Variants in AKAP6 observed in about 807,000 individuals in gnomAD.
AKAP6 encodes A-kinase anchoring protein 6.
In AKAP6, 58 loss-of-function variants were observed where a neutral mutation model predicts 188.5. That is an observed-to-expected ratio of 0.31 (90% CI 0.25 to 0.38). AKAP6 has a LOEUF of 0.38. AKAP6 is among the 10% of genes least tolerant of loss of function. The pLI is 1.00. For missense variants in AKAP6, 2,710 were observed against 2,740.0 expected (o/e 0.99, Z 0.24); for synonymous variants, 989 against 998.6 (o/e 0.99, Z 0.18).
chr14:32,517,066 T>A (rs1881561555), intron 2 of AKAP6, among the ~76,000 whole-genome samples: 1 of 152,190 alleles, frequency 6.6e-6, no homozygotes, highest in South Asian at 2.1e-4. Flanking sequence ...GGATCATATA[T>A]GTTTAAATCC....
chr14:32,346,540 G>A (rs963166834), intron 1 of AKAP6, among the ~76,000 whole-genome samples: 74 of 152,278 alleles, frequency 4.9e-4, no homozygotes, highest in African/African-American at 1.6e-3. Flanking sequence ...ACGAAGTCTC[G>A]CTCTTTCACC....
intron 12 of AKAP6, 47 bp from the exon 13 acceptor site, chr14:32,821,354 CT>C (rs754766937): frequency 1.4e-5 from 22 of 1,519,312 alleles, no homozygotes; most frequent in Non-Finnish European, 1.9e-5. Flanking sequence ...AATTTTCATG[CT>C]TGTGTTCCCT....
At chr14:32,686,371 C>A (rs533190201) in intron 8 of AKAP6, among the ~76,000 whole-genome samples, 22 of 152,080 alleles carry the variant, frequency 1.4e-4, no homozygotes, top group African/African-American at 4.1e-4. Flanking sequence ...TAAGACCTAG[C>A]GCTTGATAGC....
intron 2 of AKAP6, among the ~76,000 whole-genome samples, chr14:32,460,732 C>T (rs1197687736): frequency 6.6e-6 from 1 of 152,192 alleles, no homozygotes; most frequent in Admixed American, 6.5e-5. Context: ...AGCTCACTCC[C>T]CTGGAAAGGG....
At chr14:32,409,007 C>T (rs868476672) in intron 1 of AKAP6, among the ~76,000 whole-genome samples, 13 of 152,246 alleles carry the variant, frequency 8.5e-5, no homozygotes, top group African/African-American at 3.1e-4. Flanking sequence ...TGATACCAGC[C>T]TGGCCAACAT....
At chr14:32,806,259 ATGTC>A (rs974085815) in intron 12 of AKAP6, among the ~76,000 whole-genome samples, 2 of 151,988 alleles carry the variant, frequency 1.3e-5, no homozygotes, top group African/African-American at 4.8e-5. Context: ...ATTCCAAACT[ATGTC>A]TGGGATGGAA....
intron 7 of AKAP6, among the ~76,000 whole-genome samples, chr14:32,601,650 G>C (rs1885931684): frequency 6.6e-6 from 1 of 152,194 alleles, no homozygotes; most frequent in African/African-American, 2.4e-5. Flanking sequence ...TTGTAACATG[G>C]GGGAAACATA....
Position 32,822,680 on chromosome 14 carries a change from G to C in AKAP6, c.4867G>C (p.Gly1623Arg). 1.2e-6 allele frequency: 2 copies of C among 1,613,990 alleles called. No homozygotes were observed. Among genetic ancestry groups the C allele is most frequent in the Non-Finnish European group, 1.7e-6 (2 of 1,179,938 alleles). Reference sequence around the variant, plus strand: ...CTCTGGGGATATAAGCGTGAGCAGTGGCTCAGTTGGTGAACTAAGTAAAAG... The same window carrying C: ...CTCTGGGGATATAAGCGTGAGCAGTCGCTCAGTTGGTGAACTAAGTAAAAG... Reference protein sequence around the residue: ...HSSGDISVSSGSVGELSKRTL... With the variant: ...HSSGDISVSSRSVGELSKRTL... The change falls in exon 13 of 14, where the codon GGC (glycine) becomes CGC (arginine). Residue 1623 changes from glycine (G) to arginine (R), a missense_variant. Gly to Arg is a moderately radical substitution (Grantham distance 125, BLOSUM62 -2). Around this residue, in one of 2 missense-constraint regions of AKAP6, gnomAD observed 2,473 missense variants for 2,426.1 expected, o/e 1.02. Coordinates refer to ENST00000280979, the MANE Select transcript of AKAP6 (RefSeq NM_004274.5).
At position 32,339,104 on chromosome 14, in the gene AKAP6, C is replaced by T. The variant is rs151229918; in HGVS notation, c.-35+9696C>T. Among the ~76,000 whole-genome samples, 84 of 152,216 alleles carry T rather than the reference C, an allele frequency of 5.5e-4. 1 individual carries two copies. The highest frequency in any genetic ancestry group is 1.9e-3 in the African/African-American group (77 of 41,538). The stretch of plus-strand genomic sequence containing the variant: ...ACATTTTACTTGTTTGTTTGTTTCT[C>T]CCTGGTATAATATAACTTGTATAAG... On this transcript the variant is annotated intron_variant, in intron 1 of 13. Coordinates refer to ENST00000280979, the MANE Select transcript of AKAP6 (RefSeq NM_004274.5).
At chr14:32,561,888 A>G (rs1331315989) in intron 4 of AKAP6, among the ~76,000 whole-genome samples, 1 of 152,226 alleles carries the variant, frequency 6.6e-6, no homozygotes, top group African/African-American at 2.4e-5. Flanking sequence ...AAAATTACCC[A>G]TCAGCACTGA....
At chr14:32,366,002 C>T (rs538204056) in intron 1 of AKAP6, among the ~76,000 whole-genome samples, 1 of 152,322 alleles carries the variant, frequency 6.6e-6, no homozygotes, top group South Asian at 2.1e-4. Flanking sequence ...CTCTCTTTCT[C>T]TTTATTAGTC....
chr14:32,564,340 A>G (rs1884097782), intron 4 of AKAP6, among the ~76,000 whole-genome samples: 1 of 152,218 alleles, frequency 6.6e-6, no homozygotes, highest in African/African-American at 2.4e-5. Context: ...ATAAATAATA[A>G]TTCTTACAGA....
chr14:32,627,880 T>A (rs1887091257), intron 7 of AKAP6, among the ~76,000 whole-genome samples: 1 of 152,102 alleles, frequency 6.6e-6, no homozygotes, highest in African/African-American at 2.4e-5. Context: ...GATTAAGGTC[T>A]TTAACAGGCA....
At position 32,426,106 on chromosome 14, in the gene AKAP6, C is replaced by T. The variant is rs17099054; in HGVS notation, c.-34-7354C>T. Among the ~76,000 whole-genome samples, 229 of 152,210 alleles carry T rather than the reference C, an allele frequency of 1.5e-3. 1 individual carries two copies. Among genetic ancestry groups the T allele is most frequent in the African/African-American group, 5.3e-3 (219 of 41,520 alleles). ...AGCACCATTTATTAAGTAGGGAATC[C>T]CAGACCCATTTTTATAAGCCATCTG... is the stretch of plus-strand genomic sequence containing the variant. On this transcript the variant is annotated intron_variant, in intron 1 of 13. Coordinates refer to ENST00000280979, the MANE Select transcript of AKAP6 (RefSeq NM_004274.5).
intron 1 of AKAP6, among the ~76,000 whole-genome samples, chr14:32,352,888 T>A (rs954690280): frequency 4.6e-5 from 7 of 152,250 alleles, no homozygotes; most frequent in African/African-American, 1.7e-4. Context: ...TTTGACATAG[T>A]GATTTCATTT....
intron 1 of AKAP6, among the ~76,000 whole-genome samples, chr14:32,405,130 A>C (rs1323009977): frequency 6.6e-6 from 1 of 151,996 alleles, no homozygotes; most frequent in Admixed American, 6.6e-5. Flanking sequence ...TCCTGTATGA[A>C]CCCAATCAGA....
At chr14:32,459,898 G>C (rs1891267279) in intron 2 of AKAP6, among the ~76,000 whole-genome samples, 1 of 152,016 alleles carries the variant, frequency 6.6e-6, no homozygotes, top group African/African-American at 2.4e-5. Flanking sequence ...AGTTACTGCG[G>C]AATCTCCTGG....
In AKAP6 at chr14:32,685,506, C is replaced by A. The variant is rs35412801; in HGVS notation, c.2879+7047C>A. ...TTGGGAGGCCGAGGCGGGCGGATCA[C>A]GAGGTCAGGAGATCGAGACCATCCT... On this transcript the variant is annotated intron_variant, in intron 8 of 13. Coordinates refer to ENST00000280979, the MANE Select transcript of AKAP6 (RefSeq NM_004274.5). 7.1e-3 allele frequency among the ~76,000 whole-genome samples: 1,077 copies of A among 151,610 alleles called. 11 individuals carry two copies. Among genetic ancestry groups the A allele is most frequent in the African/African-American group, 0.023 (931 of 41,372 alleles).
intron 4 of AKAP6, among the ~76,000 whole-genome samples, chr14:32,572,373 C>T (rs1884530340): frequency 6.6e-6 from 1 of 152,150 alleles, no homozygotes; most frequent in Non-Finnish European, 1.5e-5. Context: ...TATATAATCC[C>T]GTTTAAAAAT....
Sources: gnomAD v4.1 joint callset for allele counts (sites outside exome capture counted in the v4.1 genomes callset) on GRCh38, gnomAD v4.1.1 for gene constraint, gnomAD v4.1.1 regional missense constraint, MANE v1.5 for transcripts, NCBI Gene and HGNC (gene_info 2026-07-23, HGNC 2026-07-21) for gene names.